ALK: variants seen among roughly 807,000 people sequenced by gnomAD.
The protein encoded by ALK is ALK tyrosine kinase receptor.
In ALK, 74 loss-of-function variants were observed where a neutral mutation model predicts 163.1. The observed-to-expected ratio is 0.45, with a 90% CI of 0.38 to 0.55. ALK has a LOEUF of 0.55. Among genes scored for constraint, ALK ranks in the 20% least tolerant of loss-of-function variants. ALK has a pLI of 0.00. For missense variants in ALK, 2,063 were observed against 2,105.3 expected, an observed-to-expected ratio of 0.98 and a Z score of 0.39; for synonymous variants, 960 against 843.2, an observed-to-expected ratio of 1.14 and a Z score of -2.40.
At chr2:29,621,629 G>A (rs1676041015) in intron 3 of ALK, among the ~76,000 whole-genome samples, 1 of 152,250 alleles carries the variant, frequency 6.6e-6, no homozygotes, top group African/African-American at 2.4e-5. Flanking sequence ...GACCCTGGAA[G>A]GGGCCAAGAA....
chr2:29,283,814 A>G (rs1030934717), intron 9 of ALK, among the ~76,000 whole-genome samples: 1 of 152,180 alleles, frequency 6.6e-6, no homozygotes, highest in Non-Finnish European at 1.5e-5. Flanking sequence ...TACTAGTAAC[A>G]TGTGCTTCCT....
intron 1 of ALK, among the ~76,000 whole-genome samples, chr2:29,919,210 A>G (rs1667916655): frequency 6.6e-6 from 1 of 152,192 alleles, no homozygotes; most frequent in South Asian, 2.1e-4. Flanking sequence ...TCAAGCTAAG[A>G]ATCAGAGGGG....
At chr2:29,663,632 A>G (rs1558431428) in intron 3 of ALK, among the ~76,000 whole-genome samples, 1 of 152,146 alleles carries the variant, frequency 6.6e-6, no homozygotes, top group Non-Finnish European at 1.5e-5. Flanking sequence ...ACATATTTGA[A>G]TATCTTCTCA....
At chr2:29,652,637 T>C (rs73921141) in intron 3 of ALK, among the ~76,000 whole-genome samples, 2,275 of 152,242 alleles carry the variant, frequency 0.015, 30 homozygotes, top group South Asian at 0.046. Flanking sequence ...GTCCCATCCC[T>C]CAGCCTCAGG....
intron 1 of ALK, among the ~76,000 whole-genome samples, chr2:29,746,900 T>C (rs921393661): frequency 3.8e-4 from 58 of 152,282 alleles, no homozygotes; most frequent in African/African-American, 1.3e-3. Flanking sequence ...CATGACGAAA[T>C]AAGCCATGAG....
At chr2:29,249,819 C>T (rs986060529) in intron 12 of ALK, among the ~76,000 whole-genome samples, 1 of 152,108 alleles carries the variant, frequency 6.6e-6, no homozygotes, top group African/African-American at 2.4e-5. Context: ...TGTAGCAGGG[C>T]CAGGGGTGGT....
intron 1 of ALK, among the ~76,000 whole-genome samples, chr2:29,814,390 G>A (rs1283478692): frequency 6.6e-6 from 1 of 152,050 alleles, no homozygotes; most frequent in Non-Finnish European, 1.5e-5. Flanking sequence ...GCCGGGCACG[G>A]TGGCTCACAC....
chr2:29,876,807 T>C (rs915673509), intron 1 of ALK, among the ~76,000 whole-genome samples: 10 of 150,520 alleles, frequency 6.6e-5, no homozygotes, highest in Non-Finnish European at 1.3e-4. Context: ...GATGGTGGTG[T>C]TGGGGATGAT....
intron 1 of ALK, among the ~76,000 whole-genome samples, chr2:29,828,089 A>G (rs1665251891): frequency 1.3e-5 from 2 of 152,150 alleles, no homozygotes; most frequent in Admixed American, 1.3e-4. Flanking sequence ...TTTAATAAAT[A>G]GTGCTGGGAA....
At chr2:29,409,535 C>G (rs898273302) in intron 4 of ALK, among the ~76,000 whole-genome samples, 2 of 152,150 alleles carry the variant, frequency 1.3e-5, no homozygotes, top group African/African-American at 4.8e-5. Context: ...ATCCATTATT[C>G]TACTTTCCTC....
At chr2:29,891,923 CAT>C (rs892773699) in intron 1 of ALK, among the ~76,000 whole-genome samples, 21 of 152,366 alleles carry the variant, frequency 1.4e-4, no homozygotes, top group African/African-American at 5.0e-4. Context: ...TCTCTGACCA[CAT>C]GTCTTTTGCT....
chr2:29,752,774 G>A (rs181433092), intron 1 of ALK, among the ~76,000 whole-genome samples: 1 of 152,162 alleles, frequency 6.6e-6, no homozygotes, highest in Non-Finnish European at 1.5e-5. Flanking sequence ...AGCCCTGAAG[G>A]TTCTCCTTCC....
intron 6 of ALK, among the ~76,000 whole-genome samples, chr2:29,322,785 G>C (rs548342254): frequency 4.5e-4 from 68 of 152,326 alleles, no homozygotes; most frequent in African/African-American, 1.5e-3. Context: ...AGTGAGCCAA[G>C]ATTGTGCCAC....
intron 4 of ALK, among the ~76,000 whole-genome samples, chr2:29,408,387 G>A (rs181458372): frequency 2.0e-5 from 3 of 152,074 alleles, no homozygotes; most frequent in Non-Finnish European, 2.9e-5. Context: ...CACCATGCCC[G>A]GCTGGAAAGC....
At chr2:29,915,693 CAGT>C (rs1458422204) in intron 1 of ALK, among the ~76,000 whole-genome samples, 1 of 152,084 alleles carries the variant, frequency 6.6e-6, no homozygotes, top group African/African-American at 2.4e-5. Flanking sequence ...TTTAAGTAGC[CAGT>C]AGGAGTCCAC....
At chr2:29,617,762 T>C (rs995892431) in intron 3 of ALK, among the ~76,000 whole-genome samples, 2 of 152,214 alleles carry the variant, frequency 1.3e-5, no homozygotes, top group African/African-American at 4.8e-5. Context: ...GGCCCCATTG[T>C]AACAGTCTTG....
intron 4 of ALK, among the ~76,000 whole-genome samples, chr2:29,499,204 C>T (rs1672106432): frequency 6.6e-6 from 1 of 151,996 alleles, no homozygotes; most frequent in East Asian, 1.9e-4. Flanking sequence ...TCTCCAGGGT[C>T]TCCTTTTTTT....
intron 1 of ALK, chr2:29,907,013 A>C (rs1482147232): frequency 7.8e-6 from 1 of 127,486 alleles, no homozygotes; most frequent in Non-Finnish European, 1.5e-5. Context: ...GCAGTGGCGC[A>C]ATCTCAGCTC....
At chr2:29,209,228 C>T (rs905836025) in intron 25 of ALK, among the ~76,000 whole-genome samples, 1 of 152,070 alleles carries the variant, frequency 6.6e-6, no homozygotes, top group Admixed American at 6.6e-5. Flanking sequence ...CAGTTGGAAC[C>T]GATGGACAAC....
Sources: gnomAD v4.1 joint callset for allele counts (sites outside exome capture counted in the v4.1 genomes callset) on GRCh38, gnomAD v4.1.1 for gene constraint, MANE v1.5 for transcripts, NCBI Gene and HGNC (gene_info 2026-07-23, HGNC 2026-07-21) for gene names.